Variants in GLIS1 observed in about 807,000 individuals in gnomAD.
GLIS1 encodes GLIS family zinc finger 1, also known as zinc finger protein GLIS1.
Under a neutral mutation model 63.8 loss-of-function variants are expected in GLIS1, and 24 were observed. That is an observed-to-expected ratio of 0.38 (90% confidence interval 0.27 to 0.53). The LOEUF (loss-of-function observed/expected upper bound fraction) is 0.53, where lower values mean the gene tolerates loss of function less well. GLIS1 is among the 20% of genes least tolerant of loss of function. The pLI is 0.85. For synonymous variants in GLIS1, 450 were observed against 482.5 expected, an observed-to-expected ratio of 0.93 and a Z score of 0.88; for missense variants, 1,036 against 1,074.1, an observed-to-expected ratio of 0.96 and a Z score of 0.50.
chr1:53,508,955 C>T lies in GLIS1; in HGVS notation c.2230+165G>A, dbSNP rs529147684. On this transcript the variant is annotated intron_variant, in intron 10 of 10. Coordinates refer to ENST00000628545, the MANE Select transcript of GLIS1 (RefSeq NM_001367484.1). ...AGTCAGGCAGGTACAGACAGTTCTG[C>T]GGGGTCCTGGGACCTCTCTGAGCCT... Among the ~76,000 whole-genome samples the T allele has an allele frequency of 1.5e-4, 23 of 152,348 alleles. No individual in the cohort carries two copies. The Middle Eastern group carries it at 0.01, about 68-fold the overall frequency.
At chr1:53,692,308 C>T (rs1646414119) in intron 2 of GLIS1, among the ~76,000 whole-genome samples, 1 of 152,214 alleles carries the variant, frequency 6.6e-6, no homozygotes, top group African/African-American at 2.4e-5. Context: ...CTCAAAATCC[C>T]TCCATGGCTC....
intron 4 of GLIS1, among the ~76,000 whole-genome samples, chr1:53,552,125 C>T (rs757039938): frequency 6.6e-6 from 1 of 152,130 alleles, no homozygotes; most frequent in Non-Finnish European, 1.5e-5. Flanking sequence ...TAACACATGC[C>T]CAGATACATT....
intron 2 of GLIS1, among the ~76,000 whole-genome samples, chr1:53,687,442 C>T (rs913785553): frequency 1.4e-4 from 22 of 152,178 alleles, no homozygotes; most frequent in East Asian, 1.9e-4. Flanking sequence ...CAGCCCGCCC[C>T]GCTTCACCAA....
intron 2 of GLIS1, among the ~76,000 whole-genome samples, chr1:53,640,756 C>A (rs906041460): frequency 6.6e-6 from 1 of 152,198 alleles, no homozygotes; most frequent in African/African-American, 2.4e-5. Context: ...AAAACCCAGG[C>A]AGTAGTCTGG....
At chr1:53,517,096 T>G (rs1273054839) in intron 7 of GLIS1, among the ~76,000 whole-genome samples, 1 of 152,122 alleles carries the variant, frequency 6.6e-6, no homozygotes. Context: ...ATTAACAAGT[T>G]GAATGACTTG....
At chr1:53,701,750 TG>T (rs1207501126) in intron 2 of GLIS1, among the ~76,000 whole-genome samples, 1 of 152,064 alleles carries the variant, frequency 6.6e-6, no homozygotes, top group Non-Finnish European at 1.5e-5. Flanking sequence ...CCCAGCACTT[TG>T]GGGGGCCGAG....
intron 2 of GLIS1, among the ~76,000 whole-genome samples, chr1:53,695,068 A>T (rs1305509951): frequency 6.7e-6 from 1 of 150,122 alleles, no homozygotes; most frequent in Non-Finnish European, 1.5e-5. Flanking sequence ...TACAATCCAC[A>T]GTAGGCCCGC....
intron 8 of GLIS1, among the ~76,000 whole-genome samples, chr1:53,512,777 A>T (rs904411956): frequency 6.6e-5 from 10 of 151,980 alleles, no homozygotes; most frequent in Non-Finnish European, 1.3e-4. Context: ...CAGGTGATGA[A>T]TGAGGCGGAG....
intron 7 of GLIS1, 63 bp from the exon 8 acceptor site, chr1:53,514,844 C>T: frequency 6.8e-7 from 1 of 1,473,586 alleles, no homozygotes; most frequent in Non-Finnish European, 9.1e-7. Flanking sequence ...TTGTGATGGC[C>T]CAGGAGCTGT....
At chr1:53,527,562 T>C (rs1473237296) in intron 5 of GLIS1, among the ~76,000 whole-genome samples, 4 of 152,216 alleles carry the variant, frequency 2.6e-5, no homozygotes, top group Non-Finnish European at 4.4e-5. Context: ...AACCCTGGCC[T>C]GGTCCTCTCC....
At chr1:53,588,277 A>G (rs536179697) in intron 4 of GLIS1, among the ~76,000 whole-genome samples, 28 of 152,318 alleles carry the variant, frequency 1.8e-4, no homozygotes, top group African/African-American at 6.7e-4. Flanking sequence ...CAGAAGTCTC[A>G]CATCACAACA....
At chr1:53,509,061 A>G in intron 10 of GLIS1, 59 bp downstream of exon 10, 1 of 1,469,924 alleles carries the variant, frequency 6.8e-7, no homozygotes, top group Non-Finnish European at 9.2e-7. Flanking sequence ...TGCAGCACCC[A>G]GCACTGGGTT....
rs374988600 is a variant in GLIS1, at chr1:53,661,382, C to T, written c.260-61104G>A. Among the ~76,000 whole-genome samples the T allele has an allele frequency of 7.0e-3, 1,073 of 152,232 alleles. 12 individuals carry two copies. The highest frequency in any genetic ancestry group is 0.022 in the African/African-American group (934 of 41,522). On this transcript the variant is annotated intron_variant, in intron 2 of 10. Transcript: ENST00000628545. Reference sequence around the variant, plus strand: ...TAAGAGGCAGGCTGGGCCCATCACACGGCTTATTTGCCTAGTGATGCATTT... The same window carrying T: ...TAAGAGGCAGGCTGGGCCCATCACATGGCTTATTTGCCTAGTGATGCATTT...
intron 2 of GLIS1, among the ~76,000 whole-genome samples, chr1:53,707,701 A>C (rs1353146692): frequency 1.3e-5 from 2 of 151,642 alleles, no homozygotes; most frequent in Non-Finnish European, 2.9e-5. Flanking sequence ...TCCCAAAAAG[A>C]AATGAAAGTG....
chr1:53,528,049 G>A (rs1644488963), intron 5 of GLIS1, among the ~76,000 whole-genome samples: 1 of 152,142 alleles, frequency 6.6e-6, no homozygotes, highest in African/African-American at 2.4e-5. Context: ...AGGGAGGCCT[G>A]GCACTGTCAG....
chr1:53,513,381 T>A (rs1644317838), intron 8 of GLIS1, among the ~76,000 whole-genome samples: 1 of 152,098 alleles, frequency 6.6e-6, no homozygotes, highest in Admixed American at 6.5e-5. Context: ...TCGAGTCTCA[T>A]CCCAGGCCTT....
rs527488313 is a variant in GLIS1, at chr1:53,660,607, C to G, written c.260-60329G>C. Among the ~76,000 whole-genome samples the G allele has an allele frequency of 2.0e-5, 3 of 152,284 alleles. No individual in the cohort carries two copies. The South Asian group carries it at 6.2e-4, about 32-fold the overall frequency. On this transcript the variant is annotated intron_variant, in intron 2 of 10. Transcript: ENST00000628545. ...AGTCCCCTTGAACCAGATCCCTGGC[C>G]TGGGGTGGAGAAAAGGGGAGAGTCA...
Position 53,524,733 on chromosome 1 carries a change from C to T in GLIS1, c.1593+44G>A, listed in dbSNP as rs774399445. 1.3e-4 allele frequency: 186 copies of T among 1,418,388 alleles called. 2 individuals are homozygous for T. Among genetic ancestry groups the T allele is most frequent in the South Asian group, 1.1e-3 (91 of 84,982 alleles). The allele number at this position is 1,418,388 out of a possible 1,614,324, so 87.9% of individuals were successfully genotyped here. ...GGCACCTGGCCTGATGCGGTGCAGGCGGCTGCGAGGTGGGAGGAGGCCAGA... is the reference window on the plus strand; with the variant it reads ...GGCACCTGGCCTGATGCGGTGCAGGTGGCTGCGAGGTGGGAGGAGGCCAGA... On this transcript the variant is annotated intron_variant, in intron 6 of 10. Transcript: ENST00000628545.
intron 4 of GLIS1, 139 bp downstream of exon 4, chr1:53,593,969 T>C: frequency 9.7e-7 from 1 of 1,028,196 alleles, no homozygotes; most frequent in South Asian, 1.7e-5. Context: ...ATCCACAGCA[T>C]GGGTCCTTTC....
Sources: allele counts gnomAD v4.1 joint callset (sites outside exome capture counted in the v4.1 genomes callset), GRCh38; gene constraint gnomAD v4.1.1; transcripts MANE v1.5; gene names NCBI Gene and HGNC (gene_info 2026-07-23, HGNC 2026-07-21).